The following ENAH variants were observed in gnomAD, a reference collection of about 807,000 sequenced individuals.
The protein encoded by ENAH is ENAH actin regulator.
Under a neutral mutation model 78.7 loss-of-function variants are expected in ENAH, and 23 were observed. The observed-to-expected ratio is 0.29, with a 90% CI of 0.21 to 0.41. The LOEUF is 0.41. Among genes scored for constraint, ENAH ranks in the 10% least tolerant of loss-of-function variants. The pLI is 1.00. For synonymous variants in ENAH, 226 were observed against 241.0 expected (o/e 0.94, Z 0.58); for missense variants, 544 against 691.0 (o/e 0.79, Z 2.39).
rs77805381 is a variant in ENAH at position 225,515,166 on chromosome 1, T to C, written c.914-266A>G. On this transcript the variant is annotated intron_variant, in intron 6 of 13. Coordinates refer to ENST00000366843, the MANE Select transcript of ENAH (RefSeq NM_018212.6). ...ATCATCTAATTAAGACTTTTTTTTT[T>C]CATGGGGATTTGGTAAATAAGCAAA... 144 of 411,200 alleles carry C rather than the reference T, an allele frequency of 3.5e-4. 1 individual carries two copies. The highest frequency in any genetic ancestry group is 2.5e-3 in the African/African-American group (121 of 47,506). 25.5% of individuals were successfully genotyped at this position (411,200 alleles called of 1,614,324 possible).
intron 1 of ENAH, among the ~76,000 whole-genome samples, chr1:225,574,767 A>G (rs2096779912): frequency 6.8e-5 from 1 of 14,692 alleles, no homozygotes; most frequent in Non-Finnish European, 1.1e-4. Context: ...CGGGCGTGGT[A>G]GCGGGCGCCT....
chr1:225,591,019 A>C (rs1032054911), intron 1 of ENAH, among the ~76,000 whole-genome samples: 1 of 152,228 alleles, frequency 6.6e-6, no homozygotes, highest in African/African-American at 2.4e-5. Context: ...TTTCAGGTGA[A>C]CTATTAAAGA....
intron 1 of ENAH, among the ~76,000 whole-genome samples, chr1:225,586,303 A>T (rs1575616348): frequency 6.9e-6 from 1 of 145,102 alleles, no homozygotes; most frequent in South Asian, 2.4e-4. Context: ...AGGGGAGAGG[A>T]GGGGGAAGGA....
intron 11 of ENAH, among the ~76,000 whole-genome samples, chr1:225,502,138 A>C (rs1198366153): frequency 6.6e-6 from 1 of 152,238 alleles, no homozygotes; most frequent in Non-Finnish European, 1.5e-5. Context: ...AATTCTTATA[A>C]GACATAAAAT....
intron 1 of ENAH, among the ~76,000 whole-genome samples, chr1:225,609,660 T>TA: frequency 8.9e-6 from 1 of 112,616 alleles, no homozygotes; most frequent in Non-Finnish European, 1.9e-5. Context: ...AAATGGATTT[T>TA]TTTTTTTTTT....
At chr1:225,597,335 T>C (rs181497758) in intron 1 of ENAH, among the ~76,000 whole-genome samples, 10 of 152,184 alleles carry the variant, frequency 6.6e-5, no homozygotes, top group Non-Finnish European at 1.5e-4. Context: ...AAAATGTCTA[T>C]GTTAAGACTG....
chr1:225,619,092 TACACAC>T (rs373789317), intron 1 of ENAH, among the ~76,000 whole-genome samples: 1 of 150,130 alleles, frequency 6.7e-6, no homozygotes, highest in African/African-American at 2.4e-5. Flanking sequence ...TACAACCCAG[TACACAC>T]ACACACACAC....
At chr1:225,522,929 C>T (rs976287191) in intron 4 of ENAH, among the ~76,000 whole-genome samples, 1 of 151,968 alleles carries the variant, frequency 6.6e-6, no homozygotes, top group Non-Finnish European at 1.5e-5. Flanking sequence ...TCTATTTTAC[C>T]AAAACAACAT....
intron 4 of ENAH, among the ~76,000 whole-genome samples, chr1:225,520,776 G>T (rs187783459): frequency 5.8e-4 from 88 of 152,070 alleles, no homozygotes; most frequent in African/African-American, 2.1e-3. Context: ...GGATTGCTTG[G>T]GCCTAGGAGT....
At chr1:225,521,369 G>A (rs1002106107) in intron 4 of ENAH, among the ~76,000 whole-genome samples, 2 of 151,964 alleles carry the variant, frequency 1.3e-5, no homozygotes, top group African/African-American at 4.8e-5. Context: ...TAAAAAAAAA[G>A]TTATCTTTGC....
intron 1 of ENAH, among the ~76,000 whole-genome samples, chr1:225,584,106 T>C (rs139850715): frequency 0.043 from 6,618 of 152,312 alleles, 236 homozygotes; most frequent in South Asian, 0.12. Flanking sequence ...TGAGCCAAGA[T>C]TGTGCCACTG....
At chr1:225,545,545 CTA>C (rs1362171774) in intron 3 of ENAH, among the ~76,000 whole-genome samples, 4 of 152,114 alleles carry the variant, frequency 2.6e-5, no homozygotes, top group African/African-American at 9.7e-5. Context: ...TGAAAAATAA[CTA>C]TTTCTCAGAA....
chr1:225,586,831 C>T (rs1256042201), intron 1 of ENAH, among the ~76,000 whole-genome samples: 1 of 151,504 alleles, frequency 6.6e-6, no homozygotes, highest in Non-Finnish European at 1.5e-5. Flanking sequence ...CGAGACCAGC[C>T]TGGCCAACAT....
intron 1 of ENAH, among the ~76,000 whole-genome samples, chr1:225,623,523 G>A (rs1022849420): frequency 1.3e-5 from 2 of 151,594 alleles, no homozygotes; most frequent in African/African-American, 4.8e-5. Context: ...ATGATGCTGA[G>A]GTTTGGGCTT....
Position 225,501,044 on chromosome 1 carries a change from G to A in ENAH, c.1565C>T (p.Pro522Leu). The change falls in exon 12 of 14, where the codon CCC becomes CTC. Residue 522 changes from proline to leucine, a missense_variant. Physicochemically the swap from Pro to Leu is moderately conservative, Grantham distance 98. This residue lies in a region of ENAH where 97 missense variants were observed against 124.4 expected (regional missense o/e 0.78). Transcript: ENST00000366843. ...TTCCGTCTGGACTCCATTGGCACTG[G>A]GCTGTGATAAGGGTGTGGATTTTGG... ...SRPKSTPLSQ[P>L]SANGVQTEGL... is the part of the protein sequence containing the mutation. The A allele has an allele frequency of 6.2e-7, 1 of 1,614,068 alleles. No homozygotes were observed. The highest frequency in any genetic ancestry group is 8.5e-7 in the Non-Finnish European group (1 of 1,179,992).
intron 2 of ENAH, among the ~76,000 whole-genome samples, chr1:225,555,675 G>A (rs905180567): frequency 6.6e-6 from 1 of 151,660 alleles, no homozygotes; most frequent in Non-Finnish European, 1.5e-5. Flanking sequence ...ATACAAAAAA[G>A]TATACACAAC....
rs534082821 is a variant in ENAH, at chr1:225,541,440, C to CA, written c.350-10803dup. Among the ~76,000 whole-genome samples the CA allele has an allele frequency of 1.1e-3, 166 of 146,194 alleles. 1 individual carries two copies. In the South Asian group the frequency reaches 0.02, roughly 18 times the overall value. ...ACAGAGTGAGACTCAGTCTCAAAAACAAAAAAAAAACCCAAAATGTTCTAA... is the reference window on the plus strand; with the variant it reads ...ACAGAGTGAGACTCAGTCTCAAAAACAAAAAAAAAAACCCAAAATGTTCTAA... On this transcript the variant is annotated intron_variant, in intron 3 of 13. Transcript: ENST00000366843.
chr1:225,632,485 G>A (rs538336627), intron 1 of ENAH, among the ~76,000 whole-genome samples: 57 of 140,232 alleles, frequency 4.1e-4, no homozygotes, highest in African/African-American at 1.4e-3. Flanking sequence ...GTGACACAGC[G>A]AGACTCCGTC....
intron 12 of ENAH, among the ~76,000 whole-genome samples, chr1:225,499,763 T>C (rs2096271449): frequency 6.6e-6 from 1 of 152,224 alleles, no homozygotes; most frequent in Non-Finnish European, 1.5e-5. Context: ...GGGTGAAAAG[T>C]AACAGCTGTC....
Sources: gnomAD v4.1 joint callset for allele counts (sites outside exome capture counted in the v4.1 genomes callset) on GRCh38, gnomAD v4.1.1 for gene constraint, gnomAD v4.1.1 regional missense constraint, MANE v1.5 for transcripts, NCBI Gene and HGNC (gene_info 2026-07-23, HGNC 2026-07-21) for gene names.